Variants in GRIA2 observed in about 807,000 individuals in gnomAD.
The protein encoded by GRIA2 is glutamate ionotropic receptor AMPA type subunit 2, also known as glutamate receptor 2.
A neutral mutation model predicts 97.3 loss-of-function variants in GRIA2; 14 were observed. The observed-to-expected ratio is 0.14, with a 90% CI of 0.10 to 0.23. The LOEUF is 0.23. Among genes scored for constraint, GRIA2 ranks in the 10% least tolerant of loss-of-function variants. The pLI is 1.00. For synonymous variants in GRIA2, 412 were observed against 387.8 expected (o/e 1.06, Z -0.73); for missense variants, 558 against 1,069.8 (o/e 0.52, Z 6.67).
intron 12 of GRIA2, among the ~76,000 whole-genome samples, chr4:157,352,879 T>C (rs1360607721): frequency 6.6e-6 from 1 of 151,668 alleles, no homozygotes; most frequent in Admixed American, 6.6e-5. Flanking sequence ...ACCAGCATAG[T>C]GAAACCCTGT....
At chr4:157,330,815 C>T (rs928005710) in intron 6 of GRIA2, among the ~76,000 whole-genome samples, 2 of 151,832 alleles carry the variant, frequency 1.3e-5, no homozygotes, top group African/African-American at 2.4e-5. Flanking sequence ...GCAAAATGGT[C>T]CTCCACTGAA....
At chr4:157,248,059 G>GTA (rs900338638) in intron 2 of GRIA2, among the ~76,000 whole-genome samples, 28 of 150,848 alleles carry the variant, frequency 1.9e-4, no homozygotes, top group South Asian at 8.4e-4. Flanking sequence ...TCTTTGACGT[G>GTA]TATATATATA....
chr4:157,354,640 G>A (rs1025032660), intron 12 of GRIA2, among the ~76,000 whole-genome samples: 1 of 152,098 alleles, frequency 6.6e-6, no homozygotes, highest in Non-Finnish European at 1.5e-5. Context: ...TGTTGTTACT[G>A]GTGCACTGGG....
chr4:157,292,846 TA>T (rs1429042714), intron 2 of GRIA2, among the ~76,000 whole-genome samples: 1 of 152,118 alleles, frequency 6.6e-6, no homozygotes, highest in African/African-American at 2.4e-5. Flanking sequence ...CTGAGAAAAT[TA>T]CTTAACTTGC....
chr4:157,337,415 C>A (rs1223723086), intron 11 of GRIA2, among the ~76,000 whole-genome samples: 3 of 151,938 alleles, frequency 2.0e-5, no homozygotes, highest in African/African-American at 7.2e-5. Context: ...CACTAGAATA[C>A]CTAATTATAA....
chr4:157,277,305 C>T (rs971116925), intron 2 of GRIA2, among the ~76,000 whole-genome samples: 3 of 151,798 alleles, frequency 2.0e-5, no homozygotes, highest in African/African-American at 7.2e-5. Flanking sequence ...ATATCATATG[C>T]AGAAAAAGCA....
rs2065301919 is a variant in GRIA2, at chr4:157,363,913, A to T, written c.*482A>T. 1 of 203,142 alleles carries T rather than the reference A, an allele frequency of 4.9e-6. No individual in the cohort carries two copies. The highest frequency in any genetic ancestry group is 5.9e-5 in the Admixed American group (1 of 16,840). 12.6% of individuals were successfully genotyped at this position (203,142 alleles called of 1,614,324 possible). ...TCTTGATTCATAATGACTTAAGCAC[A>T]CTTGACATCAACTGCATCAAGATGT... On this transcript the variant is annotated 3_prime_UTR_variant, in exon 16 of 16. Coordinates refer to ENST00000264426, the MANE Select transcript of GRIA2 (RefSeq NM_001083619.3).
chr4:157,323,454 G>A (rs1026279306), intron 6 of GRIA2, among the ~76,000 whole-genome samples: 5 of 151,148 alleles, frequency 3.3e-5, no homozygotes, highest in Non-Finnish European at 5.9e-5. Flanking sequence ...GTTGGTGTCA[G>A]CGTATGTATC....
intron 6 of GRIA2, among the ~76,000 whole-genome samples, chr4:157,326,312 C>G (rs896694634): frequency 3.3e-5 from 5 of 152,184 alleles, no homozygotes; most frequent in African/African-American, 1.2e-4. Flanking sequence ...TCACCCTTCC[C>G]TGATCCAGCT....
chr4:157,285,557 TTGTGTG>T (rs149477258), intron 2 of GRIA2, among the ~76,000 whole-genome samples: 1,910 of 147,328 alleles, frequency 0.013, 19 homozygotes, highest in Non-Finnish European at 0.02. Flanking sequence ...CCTATAATAT[TTGTGTG>T]TGTGTGTGTG....
intron 6 of GRIA2, among the ~76,000 whole-genome samples, chr4:157,325,203 T>A (rs895235275): frequency 6.6e-6 from 1 of 152,176 alleles, no homozygotes; most frequent in South Asian, 2.1e-4. Context: ...CAAATTAAAA[T>A]AAATTTTATT....
At chr4:157,285,167 T>G (rs1732780863) in intron 2 of GRIA2, among the ~76,000 whole-genome samples, 1 of 151,672 alleles carries the variant, frequency 6.6e-6, no homozygotes, top group South Asian at 2.1e-4. Flanking sequence ...ATTTATAGTG[T>G]AGATGAGCAT....
At chr4:157,358,751 T>C (rs1399651918) in intron 12 of GRIA2, among the ~76,000 whole-genome samples, 1 of 152,180 alleles carries the variant, frequency 6.6e-6, no homozygotes, top group East Asian at 1.9e-4. Context: ...TATTTGCACT[T>C]GACCCAAGAT....
Position 157,344,095 on chromosome 4 carries a change from A to G in GRIA2, c.2043+2633A>G, listed in dbSNP as rs565785502. The stretch of plus-strand genomic sequence containing the variant: ...ATAACAGATTCCCTTTGAGTCAATA[A>G]CTTTTTTCATAGAATGTTGTATAAA... On this transcript the variant is annotated intron_variant, in intron 12 of 15. Coordinates refer to ENST00000264426, the MANE Select transcript of GRIA2 (RefSeq NM_001083619.3). 2.2e-4 allele frequency among the ~76,000 whole-genome samples: 33 copies of G among 152,182 alleles called. 1 individual carries two copies. In the South Asian group the frequency reaches 6.9e-3, roughly 32 times the overall value.
intron 12 of GRIA2, among the ~76,000 whole-genome samples, chr4:157,353,514 AT>A (rs113161007): frequency 0.08 from 11,782 of 147,068 alleles, 515 homozygotes; most frequent in Middle Eastern, 0.15. Flanking sequence ...AATAAAAATA[AT>A]AAAAAAAAAA....
At chr4:157,327,740 T>C (rs922358348) in intron 6 of GRIA2, among the ~76,000 whole-genome samples, 5 of 152,114 alleles carry the variant, frequency 3.3e-5, no homozygotes, top group African/African-American at 1.2e-4. Flanking sequence ...GCACTTTAAA[T>C]AATGGCTTTC....
intron 4 of GRIA2, 74 bp downstream of exon 4, chr4:157,312,949 T>A: frequency 1.2e-6 from 1 of 861,524 alleles, no homozygotes; most frequent in Non-Finnish European, 1.8e-6. Flanking sequence ...CAATGTGTAT[T>A]TGTGTAAGGT....
chr4:157,316,985 T>C (rs1215397657), intron 4 of GRIA2, among the ~76,000 whole-genome samples: 1 of 152,194 alleles, frequency 6.6e-6, no homozygotes. Context: ...ACCACTTGTT[T>C]CATGCTGTGT....
chr4:157,333,839 A>G (rs193128813), intron 8 of GRIA2, among the ~76,000 whole-genome samples, 171 bp from the exon 9 acceptor site: 1 of 152,192 alleles, frequency 6.6e-6, no homozygotes, highest in Admixed American at 6.6e-5. Context: ...ATTTTTTTAT[A>G]CTTCCTTTTA....
Sources: allele counts gnomAD v4.1 joint callset (sites outside exome capture counted in the v4.1 genomes callset), GRCh38; gene constraint gnomAD v4.1.1; transcripts MANE v1.5; gene names NCBI Gene and HGNC (gene_info 2026-07-23, HGNC 2026-07-21).